ATCAY: variants seen among roughly 807,000 people sequenced by gnomAD.
ATCAY encodes ATCAY kinesin light chain interacting caytaxin, also known as caytaxin.
ATCAY carries 22 observed loss-of-function variants against 47.7 expected under a neutral mutation model. That is an observed-to-expected ratio of 0.46 (90% CI 0.33 to 0.66). ATCAY has a LOEUF of 0.66. ATCAY is among the 30% of genes least tolerant of loss of function. The probability of loss-of-function intolerance (pLI) is 0.02; values close to 1 mark genes in which losing one functional copy is unlikely to be tolerated. For missense variants in ATCAY, 452 were observed against 515.0 expected (o/e 0.88, Z 1.18); for synonymous variants, 216 against 207.6 (o/e 1.04, Z -0.35).
chr19:3,927,867 G>C lies in ATCAY; in HGVS notation c.*3275G>C, dbSNP rs1467389944. On this transcript the variant is annotated 3_prime_UTR_variant, in exon 13 of 13. Transcript: ENST00000450849. The stretch of plus-strand genomic sequence containing the variant: ...ATGCAATGGACCCCGACCCCTCCTC[G>C]TAAAAGGATGTTGGGTTTCCCTCTG... 1.3e-5 allele frequency: 2 copies of C among 152,182 alleles called. No homozygotes were observed. Among genetic ancestry groups the C allele is most frequent in the Non-Finnish European group, 2.9e-5 (2 of 68,070 alleles). 9.4% of individuals were successfully genotyped at this position (152,182 alleles called of 1,614,324 possible).
At chr19:3,887,617 G>A (rs1462453871) in intron 2 of ATCAY, among the ~76,000 whole-genome samples, 3 of 150,898 alleles carry the variant, frequency 2.0e-5, no homozygotes, top group Non-Finnish European at 4.4e-5. Context: ...CTCCCGAGTA[G>A]CTGGGACTAC....
rs566473101 is a variant in ATCAY, at chr19:3,910,985, G to A, written c.866+96G>A. 133 of 1,330,096 alleles carry A rather than the reference G, an allele frequency of 1.0e-4. 1 individual carries two copies. The East Asian group carries it at 2.7e-3, about 27-fold the overall frequency. 82.4% of individuals were successfully genotyped at this position (1,330,096 alleles called of 1,614,324 possible). ...TTTGTGTGTGCATGTGTGCACGTGT[G>A]TGCGTGTGTGCATCTGTGTGTGTGT... On this transcript the variant is annotated intron_variant, in intron 8 of 12. Transcript: ENST00000450849.
chr19:3,905,305 G>T (rs745666579), intron 3 of ATCAY, 129 bp from the exon 4 acceptor site: 2 of 895,560 alleles, frequency 2.2e-6, no homozygotes, highest in African/African-American at 3.4e-5. Flanking sequence ...CAATGGCATG[G>T]ATACAGAAGG....
At chr19:3,901,392 C>T (rs1305887896) in intron 2 of ATCAY, among the ~76,000 whole-genome samples, 1 of 152,060 alleles carries the variant, frequency 6.6e-6, no homozygotes, top group African/African-American at 2.4e-5. Context: ...ACAAACTGTT[C>T]CAGCATTGAC....
rs753930037 is a variant in ATCAY at position 3,910,882 on chromosome 19, T to G, written c.859T>G (p.Phe287Val). 1.2e-6 allele frequency: 2 copies of G among 1,613,844 alleles called. No individual in the cohort carries two copies. Among genetic ancestry groups the G allele is most frequent in the African/African-American group, 2.7e-5 (2 of 74,912 alleles). Reference protein sequence around the residue: ...IRTVLAISRPFISVKFINKIQ... With the variant: ...IRTVLAISRPVISVKFINKIQ... Reference sequence around the variant, plus strand: ...GACTGTGCTGGCCATCTCTCGCCCTTTCATCAGGTGAGACGGGGAGGCTGC... The same window carrying G: ...GACTGTGCTGGCCATCTCTCGCCCTGTCATCAGGTGAGACGGGGAGGCTGC... The change falls in exon 8 of 13, where the codon TTC becomes GTC. Residue 287 changes from phenylalanine (F) to valine (V), a missense_variant. Coordinates refer to ENST00000450849, the MANE Select transcript of ATCAY (RefSeq NM_033064.5).
In ATCAY at chr19:3,920,986, G is replaced by A. The variant is rs570932914; in HGVS notation, c.1106+188G>A. 278 of 701,780 alleles carry A rather than the reference G, an allele frequency of 4.0e-4. 1 individual carries two copies. The African/African-American group carries it at 4.5e-3, about 11-fold the overall frequency. 43.5% of individuals were successfully genotyped at this position (701,780 alleles called of 1,614,324 possible). A position where few individuals can be genotyped will look rare whatever the true frequency, so the allele number is the denominator to read the frequency against. ...GAGTGGGGGATACGGCACCGGGAAG[G>A]CAGGGAGGTAGTGGTTCCCTTAACC... On this transcript the variant is annotated intron_variant, in intron 12 of 12. Transcript: ENST00000450849.
intron 3 of ATCAY, 82 bp from the exon 4 acceptor site, chr19:3,905,352 C>CT: frequency 1.5e-5 from 20 of 1,357,302 alleles, no homozygotes; most frequent in Non-Finnish European, 2.0e-5. Context: ...CATGATGAAA[C>CT]AGCTTCCACC....
At chr19:3,905,323 C>T (rs776843396) in intron 3 of ATCAY, 111 bp from the exon 4 acceptor site, 6 of 1,112,230 alleles carry the variant, frequency 5.4e-6, no homozygotes, top group Non-Finnish European at 7.6e-6. Flanking sequence ...AGGGAGCCCA[C>T]CCTCTCTTCC....
chr19:3,912,755 G>A (rs12462654), intron 8 of ATCAY, among the ~76,000 whole-genome samples: 78,511 of 150,962 alleles, frequency 0.52, 21,258 homozygotes, highest in East Asian at 0.93. Flanking sequence ...GCCTGGTGGC[G>A]CGCACCTGTG....
At chr19:3,882,200 G>C (rs761344238) in intron 1 of ATCAY, among the ~76,000 whole-genome samples, 1 of 152,126 alleles carries the variant, frequency 6.6e-6, no homozygotes, top group South Asian at 2.1e-4. Context: ...TCATGTATTT[G>C]GTTTTTTTGA....
At chr19:3,900,415 T>C (rs2038806519) in intron 2 of ATCAY, among the ~76,000 whole-genome samples, 1 of 152,028 alleles carries the variant, frequency 6.6e-6, no homozygotes, top group South Asian at 2.1e-4. Flanking sequence ...CTAATGTCCT[T>C]TTCCTTCTGC....
chr19:3,881,866 G>A (rs8103950), intron 1 of ATCAY, among the ~76,000 whole-genome samples: 26 of 117,608 alleles, frequency 2.2e-4, no homozygotes, highest in East Asian at 3.2e-4. Context: ...TGCTGCCACC[G>A]CCCCCCCCCC....
At chr19:3,918,946 G>A (rs2038992290) in intron 11 of ATCAY, 69 bp downstream of exon 11, 6 of 1,578,506 alleles carry the variant, frequency 3.8e-6, no homozygotes, top group Non-Finnish European at 5.2e-6. Context: ...CTTGGGGGAG[G>A]CTAGAGAGGA....
intron 3 of ATCAY, among the ~76,000 whole-genome samples, chr19:3,905,004 C>T (rs956628203): frequency 1.2e-4 from 19 of 152,054 alleles, no homozygotes; most frequent in Non-Finnish European, 2.9e-5. Flanking sequence ...GGATTACAGG[C>T]GCCACCACTG....
At chr19:3,906,103 C>T (rs1268615999) in intron 4 of ATCAY, among the ~76,000 whole-genome samples, 8 of 148,770 alleles carry the variant, frequency 5.4e-5, no homozygotes, top group Non-Finnish European at 1.0e-4. Context: ...CCCAGGAGGC[C>T]GAGCTTGCGG....
At chr19:3,924,234 T>C (rs1201820927) in intron 12 of ATCAY, among the ~76,000 whole-genome samples, 7 of 38,412 alleles carry the variant, frequency 1.8e-4, no homozygotes, top group Non-Finnish European at 2.4e-4. Context: ...AGTGAGTGTG[T>C]GGATGGATGG....
chr19:3,891,052 CTTTT>C (rs376828032), intron 2 of ATCAY, among the ~76,000 whole-genome samples: 2 of 142,366 alleles, frequency 1.4e-5, no homozygotes, highest in African/African-American at 2.6e-5. Context: ...CCTTCTAGCA[CTTTT>C]TTTTTTTTTT....
intron 2 of ATCAY, among the ~76,000 whole-genome samples, chr19:3,891,352 C>T (rs1449397497): frequency 1.3e-5 from 2 of 151,826 alleles, no homozygotes; most frequent in African/African-American, 4.8e-5. Flanking sequence ...CGCCCGGCCT[C>T]CTTCTAGCAT....
intron 2 of ATCAY, among the ~76,000 whole-genome samples, chr19:3,896,033 G>A (rs1189886922): frequency 2.0e-5 from 3 of 151,964 alleles, no homozygotes; most frequent in African/African-American, 7.2e-5. Context: ...TAAATTTTTA[G>A]TAGTGATGGG....
Sources: allele counts gnomAD v4.1 joint callset (sites outside exome capture counted in the v4.1 genomes callset), GRCh38; gene constraint gnomAD v4.1.1; transcripts MANE v1.5; gene names NCBI Gene and HGNC (gene_info 2026-07-23, HGNC 2026-07-21).